The following MLYCD variants were observed in gnomAD, a reference collection of about 807,000 sequenced individuals.
MLYCD encodes malonyl-CoA decarboxylase, mitochondrial.
In MLYCD, 27 loss-of-function variants were observed where a neutral mutation model predicts 35.8. That is an observed-to-expected ratio of 0.75 (90% CI 0.56 to 1.04). The LOEUF (loss-of-function observed/expected upper bound fraction) is 1.04, where lower values mean the gene tolerates loss of function less well. Ranked by LOEUF, MLYCD falls within the 50% of genes least tolerant of loss-of-function variation. The pLI, the probability that MLYCD is intolerant of heterozygous loss-of-function variation, is 0.00. For synonymous variants in MLYCD, 403 were observed against 302.4 expected, an observed-to-expected ratio of 1.33 and a Z score of -3.45; for missense variants, 917 against 665.1, an observed-to-expected ratio of 1.38 and a Z score of -4.17.
intron 1 of MLYCD, among the ~76,000 whole-genome samples, chr16:83,900,126 A>G (rs913449460): frequency 6.6e-6 from 1 of 152,226 alleles, no homozygotes; most frequent in African/African-American, 2.4e-5. Flanking sequence ...TGTCCTGAGA[A>G]GTCCTGTGAA....
At chr16:83,899,894 C>T (rs1363310160) in intron 1 of MLYCD, among the ~76,000 whole-genome samples, 2 of 152,256 alleles carry the variant, frequency 1.3e-5, no homozygotes, top group Non-Finnish European at 2.9e-5. Flanking sequence ...TCCTTGAAGT[C>T]CTCACTTGTA....
Position 83,922,471 on chromosome 16 carries a change from T to A in MLYCD, c.*6982T>A, listed in dbSNP as rs1907686397. The A allele has an allele frequency of 6.6e-6, 1 of 152,320 alleles. No individual in the cohort carries two copies. The highest frequency in any genetic ancestry group is 2.4e-5 in the African/African-American group (1 of 41,464). 9.4% of individuals were successfully genotyped at this position (152,320 alleles called of 1,614,324 possible). On this transcript the variant is annotated 3_prime_UTR_variant, in exon 5 of 5. Coordinates refer to ENST00000262430, the MANE Select transcript of MLYCD (RefSeq NM_012213.3). ...TCATGGGCTCCTTTTTCTTCTGAAATGCAGCGTGAGGCACCATGGAGGGAG... is the reference window on the plus strand; with the variant it reads ...TCATGGGCTCCTTTTTCTTCTGAAAAGCAGCGTGAGGCACCATGGAGGGAG...
chr16:83,907,901 G>A lies in MLYCD; in HGVS notation c.642-225G>A, dbSNP rs2278035. On this transcript the variant is annotated intron_variant, in intron 2 of 4. Transcript: ENST00000262430. ...CTCACAAACTCCTTTTAAAACTGGG[G>A]TTAAAACTGGAGCACAATTTTGTGT... is the stretch of plus-strand genomic sequence containing the variant. Among the ~76,000 whole-genome samples the A allele has an allele frequency of 0.081, 12,256 of 152,188 alleles. 605 individuals carry two copies. The highest frequency in any genetic ancestry group is 0.13 in the African/African-American group (5,240 of 41,528).
chr16:83,910,675 A>C (rs1907142578), intron 3 of MLYCD, among the ~76,000 whole-genome samples: 4 of 148,098 alleles, frequency 2.7e-5, no homozygotes, highest in Non-Finnish European at 4.4e-5. Flanking sequence ...TGGGCGACAG[A>C]GCAAGACTCC....
At chr16:83,901,858 A>G (rs934443919) in intron 1 of MLYCD, among the ~76,000 whole-genome samples, 2 of 152,178 alleles carry the variant, frequency 1.3e-5, no homozygotes, top group Non-Finnish European at 2.9e-5. Context: ...GCATACTGTA[A>G]TGCTAGGCCA....
At chr16:83,899,845 T>C (rs997406606) in intron 1 of MLYCD, among the ~76,000 whole-genome samples, 173 bp downstream of exon 1, 2 of 152,162 alleles carry the variant, frequency 1.3e-5, no homozygotes, top group Non-Finnish European at 2.9e-5. Flanking sequence ...GTCTGAGTCC[T>C]GGCCTCGTCA....
chr16:83,900,899 C>G (rs1419378662), intron 1 of MLYCD, among the ~76,000 whole-genome samples: 1 of 152,208 alleles, frequency 6.6e-6, no homozygotes, highest in African/African-American at 2.4e-5. Context: ...GAGCGAAAAG[C>G]TCTTGCTGAT....
At position 83,899,556 on chromosome 16, in the gene MLYCD, C is replaced by G. The variant is rs753474144; in HGVS notation, c.412C>G (p.Arg138Gly). 5.0e-6 allele frequency: 8 copies of G among 1,592,854 alleles called. No homozygotes were observed. Among genetic ancestry groups the G allele is most frequent in the Non-Finnish European group, 5.9e-6 (7 of 1,177,664 alleles). Residue 138 changes from arginine (R) to glycine (G), a missense_variant, in exon 1 of 5, where the codon CGC becomes GGC. By Grantham distance (125) the Arg-to-Gly change is moderately radical. Transcript: ENST00000262430. Reference protein sequence around the residue: ...RLRYALVPRYRGLFHHISKLD... With the variant: ...RLRYALVPRYGGLFHHISKLD... ...GCGCTACGCGCTGGTGCCGCGCTAT[C>G]GCGGCCTCTTCCACCACATCAGCAA...
rs1907599657 is a variant in MLYCD at position 83,920,030 on chromosome 16, C to G, written c.*4541C>G. ...CACACGTGCACAGGAGAACACAGTA[C>G]ACACACAGCGCACTGGAGAACACGC... On this transcript the variant is annotated 3_prime_UTR_variant, in exon 5 of 5. Coordinates refer to ENST00000262430, the MANE Select transcript of MLYCD (RefSeq NM_012213.3). 6.6e-6 allele frequency: 1 copy of G among 151,526 alleles called. No homozygotes were observed. The highest frequency in any genetic ancestry group is 2.1e-4 in the South Asian group (1 of 4,774). The allele number at this position is 151,526 out of a possible 1,614,324, so 9.4% of individuals were successfully genotyped here.
At chr16:83,901,611 G>A (rs1906788643) in intron 1 of MLYCD, among the ~76,000 whole-genome samples, 1 of 152,128 alleles carries the variant, frequency 6.6e-6, no homozygotes, top group African/African-American at 2.4e-5. Context: ...GAATTCTCTG[G>A]TTCTGTGAGA....
Position 83,915,895 on chromosome 16 carries a change from C to A in MLYCD, c.*406C>A. ...CGTGGCCCAGATAAGAATAGGTGTT[C>A]CTTTGTGCTCATAAAACAGAATGCG... is the stretch of plus-strand genomic sequence containing the variant. On this transcript the variant is annotated 3_prime_UTR_variant, in exon 5 of 5. Coordinates refer to ENST00000262430, the MANE Select transcript of MLYCD (RefSeq NM_012213.3). 8.9e-7 allele frequency: 1 copy of A among 1,121,226 alleles called. No individual in the cohort carries two copies. The highest frequency in any genetic ancestry group is 1.6e-5 in the African/African-American group (1 of 62,552). 69.5% of individuals were successfully genotyped at this position (1,121,226 alleles called of 1,614,324 possible). A position where few individuals can be genotyped will look rare whatever the true frequency, so the allele number is the denominator to read the frequency against.
rs1907744579 is a variant in MLYCD at position 83,924,405 on chromosome 16, C to T, written c.*8916C>T. The T allele has an allele frequency of 6.6e-6, 1 of 152,318 alleles. No homozygotes were observed. The highest frequency in any genetic ancestry group is 2.4e-5 in the African/African-American group (1 of 41,554). The allele number at this position is 152,318 out of a possible 1,614,324, so 9.4% of individuals were successfully genotyped here. ...CTAGAGCGGGGGAGATGGAGTGGGC[C>T]GTATCCCACCCAGCAGGAGCGCTTG... On this transcript the variant is annotated 3_prime_UTR_variant, in exon 5 of 5. Coordinates refer to ENST00000262430, the MANE Select transcript of MLYCD (RefSeq NM_012213.3).
rs528963936 is a variant in MLYCD, at chr16:83,915,267, C to T, written c.1260C>T (p.Ala420=). 90 of 1,612,236 alleles carry T rather than the reference C, an allele frequency of 5.6e-5. No individual in the cohort carries two copies. In the South Asian group the frequency reaches 9.3e-4, roughly 17 times the overall value. The change falls in exon 5 of 5, where the codon GCC becomes GCT. Residue 420 remains alanine, a synonymous_variant. Transcript: ENST00000262430. ...GCGGCTACGCGCTGAACCCCGTGGC[C>T]AACTTCCACCTGCAGAACGGGGCGG... ...KHRGYALNPV[A]NFHLQNGAVL...
rs113526214 is a variant in MLYCD, at chr16:83,918,886, C to CAG, written c.*3397_*3398insAG. On this transcript the variant is annotated 3_prime_UTR_variant, in exon 5 of 5. Transcript: ENST00000262430. Reference sequence around the variant, plus strand: ...AACACAGCCAGTGCACAGGAGAACACTGCACAGGAGAACCACACTGCACAG... The same window carrying CAG: ...AACACAGCCAGTGCACAGGAGAACACAGTGCACAGGAGAACCACACTGCACAG... The CAG allele has an allele frequency of 0.22, 32,398 of 147,828 alleles. 4,082 individuals carry two copies. The highest frequency in any genetic ancestry group is 0.36 in the African/African-American group (14,399 of 39,588). The allele number at this position is 147,828 out of a possible 1,614,324, so 9.2% of individuals were successfully genotyped here.
intron 1 of MLYCD, among the ~76,000 whole-genome samples, chr16:83,905,749 CCAGCCG>C (rs1906952101): frequency 6.6e-6 from 1 of 152,198 alleles, no homozygotes; most frequent in Non-Finnish European, 1.5e-5. Context: ...ATGGCTGCCC[CCAGCCG>C]CAGTGCAATC....
intron 3 of MLYCD, among the ~76,000 whole-genome samples, chr16:83,910,440 A>T (rs900845031): frequency 1.3e-5 from 2 of 151,936 alleles, no homozygotes; most frequent in African/African-American, 4.8e-5. Flanking sequence ...GAATCCCAAC[A>T]CCCCGGGAGG....
At chr16:83,912,096 G>A (rs1907199407) in intron 3 of MLYCD, 122 bp from the exon 4 acceptor site, 2 of 1,400,366 alleles carry the variant, frequency 1.4e-6, no homozygotes, top group African/African-American at 1.4e-5. Flanking sequence ...CAGCTGGGGA[G>A]CCGAGGTCTC....
chr16:83,907,166 T>C (rs1907009134), intron 2 of MLYCD, 67 bp downstream of exon 2: 11 of 1,349,996 alleles, frequency 8.1e-6, no homozygotes, highest in Non-Finnish European at 1.1e-5. Flanking sequence ...ATGTTTTATA[T>C]TGGCTAAAAG....
At chr16:83,913,407 G>A (rs536433048) in intron 4 of MLYCD, 6 of 152,490 alleles carry the variant, frequency 3.9e-5, no homozygotes, top group African/African-American at 1.4e-4. Context: ...GGGGAGTTGG[G>A]CCTTAGCCCA....
Sources: allele counts gnomAD v4.1 joint callset (sites outside exome capture counted in the v4.1 genomes callset), GRCh38; gene constraint gnomAD v4.1.1; transcripts MANE v1.5; gene names NCBI Gene and HGNC (gene_info 2026-07-23, HGNC 2026-07-21).